Variants in AACS observed in about 807,000 individuals in gnomAD.
AACS encodes the protein acetoacetyl-CoA synthetase.
In AACS, 69 loss-of-function variants were observed where a neutral mutation model predicts 83.1. That is an observed-to-expected ratio of 0.83 (90% CI 0.68 to 1.01). The LOEUF (loss-of-function observed/expected upper bound fraction) is 1.01, where lower values mean the gene tolerates loss of function less well. AACS is among the 50% of genes least tolerant of loss of function. The pLI, the probability that AACS is intolerant of heterozygous loss-of-function variation, is 0.00. For missense variants in AACS, 866 were observed against 882.2 expected, an observed-to-expected ratio of 0.98 and a Z score of 0.23; for synonymous variants, 333 against 343.4, an observed-to-expected ratio of 0.97 and a Z score of 0.33.
At chr12:125,124,401 A>G (rs752220792) in intron 10 of AACS, 18 of 356,444 alleles carry the variant, frequency 5.0e-5, no homozygotes, top group Non-Finnish European at 9.1e-5. Flanking sequence ...TGGTCCCCCA[A>G]GATACAATAC....
chr12:125,100,534 A>G (rs1956690780), intron 5 of AACS, among the ~76,000 whole-genome samples: 1 of 152,234 alleles, frequency 6.6e-6, no homozygotes, highest in African/African-American at 2.4e-5. Flanking sequence ...GGAATAAACA[A>G]ATGCTTTCTA....
rs1448808020 is a variant in AACS at position 125,107,152 on chromosome 12, A to T, written c.799A>T (p.Thr267Ser). 1 of 1,614,172 alleles carries T rather than the reference A, an allele frequency of 6.2e-7. No individual in the cohort carries two copies. Among genetic ancestry groups the T allele is most frequent in the Non-Finnish European group, 8.5e-7 (1 of 1,180,034 alleles). The change falls in exon 8 of 18, where the codon ACC becomes TCC. Residue 267 changes from threonine to serine, a missense_variant. By Grantham distance (58) the Thr-to-Ser change is moderately conservative. Coordinates refer to ENST00000316519, the MANE Select transcript of AACS (RefSeq NM_023928.5). ...TCTGGATGACTTTCTTGCCACCGGCACCAGTGAGCAGGCCCCGCAGCTGGA... is the reference window on the plus strand; with the variant it reads ...TCTGGATGACTTTCTTGCCACCGGCTCCAGTGAGCAGGCCCCGCAGCTGGA... ...VFLDDFLATG[T>S]SEQAPQLEFE...
In AACS at chr12:125,142,713, C is replaced by G. The variant is rs890736930; in HGVS notation, c.*484C>G. On this transcript the variant is annotated 3_prime_UTR_variant, in exon 18 of 18. Transcript: ENST00000316519. ...TTAGAAAGGAACCCCCGTGACTTGA[C>G]ACAGCTTTCACAGCTGGCTGCTAGG... 3 of 154,008 alleles carry G rather than the reference C, an allele frequency of 1.9e-5. No homozygotes were observed. The highest frequency in any genetic ancestry group is 7.2e-5 in the African/African-American group (3 of 41,468). 9.5% of individuals were successfully genotyped at this position (154,008 alleles called of 1,614,324 possible).
chr12:125,131,451 A>G (rs1200267109), intron 14 of AACS, among the ~76,000 whole-genome samples: 1 of 151,536 alleles, frequency 6.6e-6, no homozygotes, highest in Non-Finnish European at 1.5e-5. Context: ...AGCTCAAGCA[A>G]TCCTCCTGCC....
intron 3 of AACS, among the ~76,000 whole-genome samples, 194 bp from the exon 4 acceptor site, chr12:125,086,136 G>C (rs1429388058): frequency 6.6e-6 from 1 of 152,104 alleles, no homozygotes; most frequent in Non-Finnish European, 1.5e-5. Context: ...GTATATGTTC[G>C]GCTGACTCTT....
intron 7 of AACS, among the ~76,000 whole-genome samples, chr12:125,103,534 C>G (rs1202655122): frequency 2.2e-5 from 3 of 135,542 alleles, no homozygotes; most frequent in Admixed American, 2.2e-4. Flanking sequence ...TGCATGTGTA[C>G]ATGTGTATGT....
At chr12:125,071,827 T>A (rs1955872063) in intron 1 of AACS, among the ~76,000 whole-genome samples, 1 of 152,178 alleles carries the variant, frequency 6.6e-6, no homozygotes, top group African/African-American at 2.4e-5. Flanking sequence ...TCCTTAGTGA[T>A]GCTGTTGGCG....
chr12:125,085,057 T>C (rs1163352917), intron 3 of AACS, among the ~76,000 whole-genome samples: 1 of 151,864 alleles, frequency 6.6e-6, no homozygotes. Flanking sequence ...CTAGAGTATA[T>C]GTAAGTGATT....
chr12:125,136,207 G>A (rs1957398344), intron 16 of AACS: 1 of 169,680 alleles, frequency 5.9e-6, no homozygotes, highest in African/African-American at 2.4e-5. Flanking sequence ...GTGTCACCAT[G>A]CCTAACTTAG....
chr12:125,076,485 C>CTAT lies in AACS; in HGVS notation c.238-5_238-3dup. Reference sequence around the variant, plus strand: ...GTGCGTCTTGGTTTGTTGTCATTCTCTATAGGTTGTGGACACATCGAAAGG... The same window carrying CTAT: ...GTGCGTCTTGGTTTGTTGTCATTCTCTATTATAGGTTGTGGACACATCGAAAGG... On this transcript the variant is annotated splice_polypyrimidine_tract_variant and splice_region_variant and intron_variant, in intron 2 of 17. Coordinates refer to ENST00000316519, the MANE Select transcript of AACS (RefSeq NM_023928.5). 1 of 1,613,864 alleles carries CTAT rather than the reference C, an allele frequency of 6.2e-7. No individual in the cohort carries two copies. The highest frequency in any genetic ancestry group is 8.5e-7 in the Non-Finnish European group (1 of 1,179,840).
chr12:125,141,211 C>G (rs910398425), intron 17 of AACS: 3 of 152,450 alleles, frequency 2.0e-5, no homozygotes, highest in Non-Finnish European at 4.4e-5. Flanking sequence ...TGGTCTATGC[C>G]TGCATTTTTA....
intron 1 of AACS, among the ~76,000 whole-genome samples, chr12:125,070,878 G>A (rs1388103751): frequency 6.6e-6 from 1 of 152,244 alleles, no homozygotes; most frequent in African/African-American, 2.4e-5. Flanking sequence ...CTGAGGGCCC[G>A]ATGAGGCAGC....
intron 17 of AACS, chr12:125,138,951 T>G (rs894760155): frequency 2.6e-4 from 31 of 120,422 alleles, no homozygotes; most frequent in African/African-American, 7.6e-4. Flanking sequence ...TGAGGTCTCA[T>G]CTGCAAAGTC....
rs868560978 is a variant in AACS, at chr12:125,095,345, C to T, written c.570+3822C>T. Among the ~76,000 whole-genome samples the T allele has an allele frequency of 7.9e-5, 12 of 152,298 alleles. No homozygotes were observed. In the Middle Eastern group the frequency reaches 0.01, roughly 130 times the overall value. On this transcript the variant is annotated intron_variant, in intron 5 of 17. Transcript: ENST00000316519. ...GCCAGACCTCTGATTCAGAAACACT[C>T]GTCTTTGTAGCCTGATCACTGTCAC...
At chr12:125,070,767 A>C (rs11058028) in intron 1 of AACS, among the ~76,000 whole-genome samples, 21,315 of 152,194 alleles carry the variant, frequency 0.14, 1,871 homozygotes, top group East Asian at 0.24. Context: ...CCCATTTCAC[A>C]GCTGAACAAA....
chr12:125,111,973 G>C (rs1956962707), intron 8 of AACS, among the ~76,000 whole-genome samples: 1 of 152,180 alleles, frequency 6.6e-6, no homozygotes, highest in Admixed American at 6.5e-5. Context: ...AACGAAGGTG[G>C]GCTCCTATCT....
chr12:125,136,945 A>G (rs1957410407), intron 17 of AACS, 81 bp downstream of exon 17: 9 of 1,437,774 alleles, frequency 6.3e-6, no homozygotes, highest in Middle Eastern at 1.8e-4. Flanking sequence ...ACATCTGAGC[A>G]GCTTGCCGGT....
intron 16 of AACS, among the ~76,000 whole-genome samples, chr12:125,135,324 ACCT>A (rs1957386536): frequency 1.3e-5 from 2 of 151,840 alleles, no homozygotes; most frequent in Non-Finnish European, 2.9e-5. Context: ...CGAACTCCTG[ACCT>A]CAAGTGATCC....
intron 3 of AACS, among the ~76,000 whole-genome samples, chr12:125,081,712 A>G (rs751387089): frequency 6.6e-6 from 1 of 152,140 alleles, no homozygotes; most frequent in Non-Finnish European, 1.5e-5. Context: ...TGCGCAGCAC[A>G]TTTTGCTTTT....
Sources: gnomAD v4.1 joint callset for allele counts (sites outside exome capture counted in the v4.1 genomes callset) on GRCh38, gnomAD v4.1.1 for gene constraint, MANE v1.5 for transcripts, NCBI Gene and HGNC (gene_info 2026-07-23, HGNC 2026-07-21) for gene names.